Variants in SIK3 observed in about 807,000 individuals in gnomAD.
SIK3 encodes serine/threonine-protein kinase SIK3.
SIK3 carries 28 observed loss-of-function variants against 144.2 expected under a neutral mutation model. The observed-to-expected ratio is 0.19, with a 90% CI of 0.14 to 0.27. The LOEUF (loss-of-function observed/expected upper bound fraction) is 0.27. SIK3 is among the 10% of genes least tolerant of loss of function. SIK3 has a pLI of 1.00. For synonymous variants in SIK3, 686 were observed against 676.3 expected, an observed-to-expected ratio of 1.01 and a Z score of -0.22; for missense variants, 1,319 against 1,776.0, an observed-to-expected ratio of 0.74 and a Z score of 4.62.
chr11:117,013,915 G>GGGGGGGGTGT lies in SIK3; in HGVS notation c.274-56852_274-56851insACACCCCCCC, dbSNP rs1206309055. ...CAGATTCTGAGGGGGGGGGGGGGAG[G>GGGGGGGGTGT]GTGTGTGTGTGTGTGTGTGTGTGTG... On this transcript the variant is annotated intron_variant, in intron 1 of 24. Transcript: ENST00000445177. 1.7e-4 allele frequency among the ~76,000 whole-genome samples: 4 copies of GGGGGGGGTGT among 23,650 alleles called. 1 individual carries two copies. The highest frequency in any genetic ancestry group is 1.2e-3 in the Admixed American group (2 of 1,660). The allele number at this position is 23,650 out of a possible 152,430, so 15.5% of individuals were successfully genotyped here.
intron 14 of SIK3, chr11:116,869,967 C>T: frequency 1.8e-6 from 1 of 559,514 alleles, no homozygotes; most frequent in Non-Finnish European, 2.8e-6. Context: ...ACTGTCATCC[C>T]ACATCTCCAA....
intron 1 of SIK3, among the ~76,000 whole-genome samples, chr11:117,085,053 TTAAGA>T (rs1457568885): frequency 6.8e-6 from 1 of 146,706 alleles, no homozygotes; most frequent in African/African-American, 2.5e-5. Flanking sequence ...TTAACATAGG[TTAAGA>T]TATTTTGATA....
chr11:117,041,046 C>T (rs966348461), intron 1 of SIK3, among the ~76,000 whole-genome samples: 10 of 148,216 alleles, frequency 6.7e-5, no homozygotes, highest in African/African-American at 2.2e-4. Flanking sequence ...TCATGTTATA[C>T]ATTGGATCTC....
chr11:117,023,621 A>AAAAAT (rs754624841), intron 1 of SIK3, among the ~76,000 whole-genome samples: 95 of 95,302 alleles, frequency 1.0e-3, no homozygotes, highest in African/African-American at 2.0e-3. Context: ...AAAAAAAAAA[A>AAAAAT]ATATATATAT....
intron 1 of SIK3, among the ~76,000 whole-genome samples, chr11:116,981,873 G>C (rs1470084159): frequency 1.3e-5 from 2 of 152,268 alleles, no homozygotes; most frequent in East Asian, 3.9e-4. Context: ...ATTTAAAAGA[G>C]ATATGAATTT....
intron 1 of SIK3, among the ~76,000 whole-genome samples, chr11:117,044,274 A>G (rs1242184869): frequency 6.6e-6 from 1 of 152,224 alleles, no homozygotes; most frequent in Admixed American, 6.5e-5. Context: ...TGATAAAGAA[A>G]ACTATGCTTC....
rs528566279 is a variant in SIK3 at position 117,067,329 on chromosome 11, T to G, written c.273+30814A>C. Among the ~76,000 whole-genome samples, 5 of 152,296 alleles carry G rather than the reference T, an allele frequency of 3.3e-5. No homozygotes were observed. In the South Asian group the frequency reaches 1.0e-3, roughly 32 times the overall value. ...AACAAATCTTGTTACATCCATACAA[T>G]GTAACACTACTCAGATTACCACTCA... On this transcript the variant is annotated intron_variant, in intron 1 of 24. Coordinates refer to ENST00000445177, the MANE Select transcript of SIK3 (RefSeq NM_001366686.3).
In SIK3 at chr11:116,858,306, CTGCTGCCGTTGT is replaced by C. The variant is rs1170423884; in HGVS notation, c.3147_3158del (p.Arg1051_Gln1054del). ...CTTGCTGTTGCTGCTGTTGCTGCTG[CTGCTGCCGTTGT>C]TGCTGCTGCCTTTTAATGAGCTGTG... is the stretch of plus-strand genomic sequence containing the variant. On this transcript the variant is annotated inframe_deletion, in exon 21 of 25. Coordinates refer to ENST00000445177, the MANE Select transcript of SIK3 (RefSeq NM_001366686.3). This position sits in a 1 kb window ranked among gnomAD's most constrained non-coding sequence, Gnocchi z 5.4. 6.2e-7 allele frequency: 1 copy of C among 1,612,730 alleles called. No homozygotes were observed. Among genetic ancestry groups the C allele is most frequent in the African/African-American group, 1.3e-5 (1 of 74,902 alleles).
intron 1 of SIK3, among the ~76,000 whole-genome samples, chr11:117,007,259 TC>T (rs1285158353): frequency 6.6e-5 from 10 of 152,256 alleles, no homozygotes; most frequent in African/African-American, 2.4e-4. Flanking sequence ...GCACCTGTAA[TC>T]CCAGCTACTT....
intron 4 of SIK3, among the ~76,000 whole-genome samples, chr11:116,904,214 G>A (rs931879161): frequency 5.9e-5 from 9 of 152,162 alleles, no homozygotes; most frequent in Non-Finnish European, 1.3e-4. Context: ...GCCAGGATCT[G>A]GAGAGGCAAT....
At chr11:116,945,352 T>C (rs1236995072) in intron 3 of SIK3, among the ~76,000 whole-genome samples, 4 of 150,888 alleles carry the variant, frequency 2.7e-5, no homozygotes, top group South Asian at 4.2e-4. Flanking sequence ...GCTTTTCAAC[T>C]TCATCTAGAC....
At chr11:116,937,820 G>A (rs1441904676) in intron 3 of SIK3, among the ~76,000 whole-genome samples, 1 of 152,120 alleles carries the variant, frequency 6.6e-6, no homozygotes, top group Non-Finnish European at 1.5e-5. Flanking sequence ...TCATAGCTCT[G>A]TCCCCTCCTC....
At chr11:116,909,516 T>C (rs1406490081) in intron 4 of SIK3, among the ~76,000 whole-genome samples, 4 of 152,186 alleles carry the variant, frequency 2.6e-5, no homozygotes, top group African/African-American at 9.7e-5. Context: ...TATACACAGA[T>C]GCTTAAAGAA....
chr11:116,961,758 TATTA>T (rs750607001), intron 1 of SIK3, among the ~76,000 whole-genome samples: 10 of 152,166 alleles, frequency 6.6e-5, no homozygotes, highest in Admixed American at 1.3e-4. Context: ...GACATTCTAA[TATTA>T]ATTAAACATG....
chr11:116,956,890 C>A, intron 2 of SIK3, 58 bp downstream of exon 2: 1 of 1,025,460 alleles, frequency 9.8e-7, no homozygotes, highest in Non-Finnish European at 1.4e-6. Flanking sequence ...TCAAAGGGAG[C>A]CATACATACA....
intron 4 of SIK3, among the ~76,000 whole-genome samples, chr11:116,899,141 T>C (rs1945599014): frequency 6.6e-6 from 1 of 152,238 alleles, no homozygotes; most frequent in Non-Finnish European, 1.5e-5. Context: ...CGTGAATTGA[T>C]TTTTGTGTAA....
intron 1 of SIK3, among the ~76,000 whole-genome samples, chr11:116,961,436 A>G (rs1949344691): frequency 6.6e-6 from 1 of 152,230 alleles, no homozygotes; most frequent in Admixed American, 6.5e-5. Flanking sequence ...CAGATAAATG[A>G]GTATGAGTTT....
In SIK3 at chr11:116,846,685, C is replaced by G; in HGVS notation, c.3953-132G>C. ...CCTGACTCCCAGCCCTGAATTCTAG[C>G]TCACAGCAGGCCCTCAAGGTGTTGA... is the stretch of plus-strand genomic sequence containing the variant. On this transcript the variant is annotated intron_variant, in intron 23 of 24. Coordinates refer to ENST00000445177, the MANE Select transcript of SIK3 (RefSeq NM_001366686.3). The surrounding 1 kb of genome is among the most constrained non-coding windows in gnomAD (Gnocchi z 4.1). 1.0e-6 allele frequency: 1 copy of G among 992,896 alleles called. No homozygotes were observed. The highest frequency in any genetic ancestry group is 2.3e-5 in the Admixed American group (1 of 43,728). 61.5% of individuals were successfully genotyped at this position (992,896 alleles called of 1,614,324 possible). A position where few individuals can be genotyped will look rare whatever the true frequency, so the allele number is the denominator to read the frequency against.
At chr11:117,032,751 T>C (rs951095046) in intron 1 of SIK3, among the ~76,000 whole-genome samples, 4 of 152,058 alleles carry the variant, frequency 2.6e-5, no homozygotes, top group Non-Finnish European at 5.9e-5. Context: ...TCATCTTTTT[T>C]ATCTGAGTAG....
Sources: gnomAD v4.1 joint callset for allele counts (sites outside exome capture counted in the v4.1 genomes callset) on GRCh38, gnomAD v4.1.1 for gene constraint, Gnocchi (gnomAD v3.1) non-coding constraint, MANE v1.5 for transcripts, NCBI Gene and HGNC (gene_info 2026-07-23, HGNC 2026-07-21) for gene names.